The following DLGAP4 variants were observed in gnomAD, a reference collection of about 807,000 sequenced individuals.
DLGAP4 encodes disks large-associated protein 4.
DLGAP4 carries 18 observed loss-of-function variants against 86.9 expected under a neutral mutation model. That is an observed-to-expected ratio of 0.21 (90% CI 0.14 to 0.31). The LOEUF (loss-of-function observed/expected upper bound fraction) is 0.31, where lower values mean the gene tolerates loss of function less well. Among genes scored for constraint, DLGAP4 ranks in the 10% least tolerant of loss-of-function variants. The pLI is 1.00. For missense variants in DLGAP4, 1,085 were observed against 1,362.6 expected (o/e 0.80, Z 3.21); for synonymous variants, 548 against 574.3 (o/e 0.95, Z 0.65).
intron 1 of DLGAP4, among the ~76,000 whole-genome samples, chr20:36,315,544 G>A (rs1424014352): frequency 6.6e-6 from 1 of 152,028 alleles, no homozygotes; most frequent in Non-Finnish European, 1.5e-5. Flanking sequence ...GGCCATGGTT[G>A]GGTCCCTGGG....
intron 1 of DLGAP4, among the ~76,000 whole-genome samples, chr20:36,352,215 G>A (rs535798790): frequency 6.6e-6 from 1 of 152,234 alleles, no homozygotes; most frequent in East Asian, 1.9e-4. Flanking sequence ...GGTGAGAGTG[G>A]GCGATGGCAG....
At chr20:36,413,296 A>G (rs1360952709) in intron 2 of DLGAP4, among the ~76,000 whole-genome samples, 2 of 149,234 alleles carry the variant, frequency 1.3e-5, no homozygotes, top group African/African-American at 2.5e-5. Flanking sequence ...GAACTCTTTC[A>G]TCACCCCTAA....
At chr20:36,319,097 T>G (rs1013649423) in intron 1 of DLGAP4, among the ~76,000 whole-genome samples, 22 of 151,234 alleles carry the variant, frequency 1.5e-4, no homozygotes, top group African/African-American at 5.1e-4. Context: ...AAGTTGAGAT[T>G]GTGCCACTGC....
intron 10 of DLGAP4, among the ~76,000 whole-genome samples, chr20:36,521,379 A>T (rs1380668222): frequency 1.3e-5 from 2 of 152,092 alleles, no homozygotes; most frequent in Non-Finnish European, 2.9e-5. Context: ...TTTATTACTT[A>T]GTCCCTACTT....
At position 36,439,659 on chromosome 20, in the gene DLGAP4, T is replaced by C; in HGVS notation, c.1242-95T>C. ...CTGCGGCTGCAGCGGGCATCACAGG[T>C]GTGGACCACCTGTGCATCACAGATG... On this transcript the variant is annotated intron_variant, in intron 4 of 12. Coordinates refer to ENST00000339266, the MANE Select transcript of DLGAP4 (RefSeq NM_001365621.2). The C allele has an allele frequency of 3.8e-6, 4 of 1,046,272 alleles. No individual in the cohort carries two copies. The South Asian group carries it at 5.4e-5, about 14-fold the overall frequency. The allele number at this position is 1,046,272 out of a possible 1,614,324, so 64.8% of individuals were successfully genotyped here.
At chr20:36,400,003 C>T (rs766344070) in intron 2 of DLGAP4, among the ~76,000 whole-genome samples, 1 of 152,184 alleles carries the variant, frequency 6.6e-6, no homozygotes, top group African/African-American at 2.4e-5. Context: ...GTCCCAGCTG[C>T]GTTCCATGTG....
At chr20:36,352,980 C>T (rs539596939) in intron 1 of DLGAP4, among the ~76,000 whole-genome samples, 2 of 152,300 alleles carry the variant, frequency 1.3e-5, no homozygotes, top group South Asian at 4.1e-4. Context: ...CCAGGTTCTG[C>T]GCTGCCCTCA....
chr20:36,325,943 C>A (rs2065211974), intron 1 of DLGAP4, among the ~76,000 whole-genome samples: 1 of 152,068 alleles, frequency 6.6e-6, no homozygotes, highest in Non-Finnish European at 1.5e-5. Context: ...GTCTTGAACT[C>A]CTGACCTCAG....
At chr20:36,395,462 C>T (rs775006982) in intron 2 of DLGAP4, among the ~76,000 whole-genome samples, 6 of 152,028 alleles carry the variant, frequency 3.9e-5, no homozygotes, top group African/African-American at 1.2e-4. Flanking sequence ...TGGCCCTCAG[C>T]GGTCAGCAAT....
chr20:36,471,527 C>T (rs1022112268), intron 7 of DLGAP4, among the ~76,000 whole-genome samples: 18 of 152,106 alleles, frequency 1.2e-4, no homozygotes, highest in Non-Finnish European at 1.5e-5. Flanking sequence ...AATAAACTGA[C>T]CTCCTGAATC....
At chr20:36,443,195 G>A (rs2033497887) in intron 6 of DLGAP4, among the ~76,000 whole-genome samples, 1 of 152,164 alleles carries the variant, frequency 6.6e-6, no homozygotes, top group Non-Finnish European at 1.5e-5. Context: ...CCTTTCTGGA[G>A]CGCCAGGAGG....
intron 10 of DLGAP4, among the ~76,000 whole-genome samples, chr20:36,523,016 G>T (rs148193878): frequency 6.6e-6 from 1 of 151,122 alleles, no homozygotes; most frequent in Non-Finnish European, 1.5e-5. Context: ...GCTTATTTTT[G>T]TATTTTCTGT....
At chr20:36,438,049 A>T in intron 4 of DLGAP4, among the ~76,000 whole-genome samples, 1 of 152,134 alleles carries the variant, frequency 6.6e-6, no homozygotes, top group East Asian at 1.9e-4. Context: ...GACTACCAGC[A>T]TGGGCCACCA....
intron 1 of DLGAP4, among the ~76,000 whole-genome samples, chr20:36,348,775 A>G (rs936825792): frequency 1.3e-5 from 2 of 152,070 alleles, no homozygotes; most frequent in Non-Finnish European, 2.9e-5. Context: ...TCAAGCAGTG[A>G]AAAGTATTAT....
At chr20:36,313,665 C>T (rs1011077142) in intron 1 of DLGAP4, among the ~76,000 whole-genome samples, 39 of 152,212 alleles carry the variant, frequency 2.6e-4, no homozygotes, top group African/African-American at 9.4e-4. Flanking sequence ...GGCTCTCTGC[C>T]GCCTGTGTTT....
intron 2 of DLGAP4, among the ~76,000 whole-genome samples, chr20:36,371,702 G>C (rs1160593883): frequency 6.6e-6 from 1 of 152,134 alleles, no homozygotes; most frequent in Non-Finnish European, 1.5e-5. Context: ...CGGGGCCATG[G>C]AGCTAAATTT....
intron 1 of DLGAP4, among the ~76,000 whole-genome samples, chr20:36,323,099 G>T (rs1335585492): frequency 6.8e-6 from 1 of 148,002 alleles, no homozygotes; most frequent in Non-Finnish European, 1.5e-5. Context: ...GATCGCTTGA[G>T]CCTGGGAGGT....
At chr20:36,321,558 A>T (rs1381038541) in intron 1 of DLGAP4, among the ~76,000 whole-genome samples, 1 of 152,260 alleles carries the variant, frequency 6.6e-6, no homozygotes, top group Non-Finnish European at 1.5e-5. Flanking sequence ...ACACGTGCTC[A>T]GCGCCTGGTG....
Position 36,376,689 on chromosome 20 carries a change from G to A in DLGAP4, c.-73+9414G>A, listed in dbSNP as rs1473949866. On this transcript the variant is annotated intron_variant, in intron 2 of 12. Transcript: ENST00000339266. ...TGGACCAATGTTGAGGTGAATGCTG[G>A]CAAAGCTTGGGTCAGTGTCCCCAGG... is the stretch of plus-strand genomic sequence containing the variant. Among the ~76,000 whole-genome samples the A allele has an allele frequency of 2.0e-4, 31 of 152,062 alleles. 1 individual carries two copies. The highest frequency in any genetic ancestry group is 2.9e-5 in the Non-Finnish European group (2 of 68,034).
Sources: gnomAD v4.1 joint callset for allele counts (sites outside exome capture counted in the v4.1 genomes callset) on GRCh38, gnomAD v4.1.1 for gene constraint, MANE v1.5 for transcripts, NCBI Gene and HGNC (gene_info 2026-07-23, HGNC 2026-07-21) for gene names.